The following GRTP1 variants were observed in gnomAD, a reference collection of about 807,000 sequenced individuals.
The protein encoded by GRTP1 is growth hormone regulated TBC protein 1, also known as growth hormone-regulated TBC protein 1.
GRTP1 carries 56 observed loss-of-function variants against 38.1 expected under a neutral mutation model. The observed-to-expected ratio is 1.47, with a 90% CI of 1.19 to 1.84. The LOEUF is 1.84. Ranked by LOEUF, GRTP1 falls within the 40% of genes most tolerant of loss-of-function variation. GRTP1 has a pLI of 0.00. For synonymous variants in GRTP1, 217 were observed against 189.5 expected (o/e 1.14, Z -1.19); for missense variants, 506 against 453.9 (o/e 1.11, Z -1.04).
intron 2 of GRTP1, 165 bp from the exon 3 acceptor site, chr13:113,355,646 A>T: frequency 1.3e-6 from 1 of 767,720 alleles, no homozygotes; most frequent in African/African-American, 1.8e-5. Flanking sequence ...ATACTCCTTT[A>T]AAAATTCTGC....
intron 5 of GRTP1, 164 bp from the exon 6 acceptor site, chr13:113,326,255 C>T (rs952528669): frequency 2.8e-6 from 1 of 362,482 alleles, no homozygotes; most frequent in East Asian, 1.7e-4. Context: ...CCTGCAGACA[C>T]AGGGCTCATG....
chr13:113,334,909 G>A (rs1333127199), intron 5 of GRTP1, among the ~76,000 whole-genome samples: 1 of 152,058 alleles, frequency 6.6e-6, no homozygotes, highest in African/African-American at 2.4e-5. Flanking sequence ...TGCAAGCTCC[G>A]CCTCCCGGGT....
rs143332965 is a variant in GRTP1 at position 113,350,937 on chromosome 13, C to G, written c.377G>C (p.Arg126Pro). 4.3e-6 allele frequency: 7 copies of G among 1,613,770 alleles called. No individual in the cohort carries two copies. In the East Asian group the frequency reaches 6.7e-5, roughly 15 times the overall value. ...NRTFPDNVKF[R>P]KTTDPCLQRT... ...CTGTAAGCAGGGGTCCGTGGTCTTC[C>G]GGAACTTCACGTTGTCGGGGAAGGT... Residue 126 changes from arginine to proline, a missense_variant, in exon 4 of 8, where the codon CGG (arginine) becomes CCG (proline). Coordinates refer to ENST00000375431, the MANE Select transcript of GRTP1 (RefSeq NM_024719.4).
intron 5 of GRTP1, among the ~76,000 whole-genome samples, chr13:113,344,402 A>C (rs1454592993): frequency 6.6e-6 from 1 of 152,218 alleles, no homozygotes; most frequent in Non-Finnish European, 1.5e-5. Flanking sequence ...CTCAATTTCA[A>C]AGAAATTTTT....
rs5014269 is a variant in GRTP1 at position 113,352,378 on chromosome 13, T to A, written c.341-1405A>T. On this transcript the variant is annotated intron_variant, in intron 3 of 7. Transcript: ENST00000375431. Reference sequence around the variant, plus strand: ...ATATATTTTATATATATATATATATTTATATATATATTTAACACAGGGTCT... The same window carrying A: ...ATATATTTTATATATATATATATATATATATATATATTTAACACAGGGTCT... 4.0e-4 allele frequency among the ~76,000 whole-genome samples: 46 copies of A among 114,670 alleles called. No individual in the cohort carries two copies. In the East Asian group the frequency reaches 5.4e-3, roughly 13 times the overall value. 75.2% of individuals were successfully genotyped at this position (114,670 alleles called of 152,430 possible).
intron 5 of GRTP1, among the ~76,000 whole-genome samples, chr13:113,329,653 A>G (rs533536021): frequency 1.5e-4 from 23 of 152,358 alleles, no homozygotes; most frequent in African/African-American, 5.0e-4. Context: ...CGTGATGTCA[A>G]ATGAAAAAGA....
intron 3 of GRTP1, among the ~76,000 whole-genome samples, chr13:113,353,610 G>T (rs1482629980): frequency 1.3e-5 from 2 of 151,652 alleles, no homozygotes; most frequent in African/African-American, 4.9e-5. Context: ...GGACACGGGG[G>T]TCGGTGCTTG....
chr13:113,352,311 A>AT lies in GRTP1; in HGVS notation c.341-1339dup, dbSNP rs1555318992. On this transcript the variant is annotated intron_variant, in intron 3 of 7. Transcript: ENST00000375431. Reference sequence around the variant, plus strand: ...ATATATTTATATATATTTTATATATATTTTATATATATTTTTATATATATT... The same window carrying AT: ...ATATATTTATATATATTTTATATATATTTTTATATATATTTTTATATATATT... Among the ~76,000 whole-genome samples, 271 of 32,122 alleles carry AT rather than the reference A, an allele frequency of 8.4e-3. 1 individual carries two copies. The highest frequency in any genetic ancestry group is 0.026 in the East Asian group (17 of 660). 21.1% of individuals were successfully genotyped at this position (32,122 alleles called of 152,430 possible). A position where few individuals can be genotyped will look rare whatever the true frequency, so the allele number is the denominator to read the frequency against.
intron 5 of GRTP1, among the ~76,000 whole-genome samples, chr13:113,326,948 G>A (rs946655955): frequency 2.6e-5 from 4 of 152,198 alleles, no homozygotes; most frequent in Non-Finnish European, 4.4e-5. Flanking sequence ...AGAGGGCGGC[G>A]GCAATGGTTA....
intron 4 of GRTP1, among the ~76,000 whole-genome samples, chr13:113,345,661 TG>T (rs1417007595): frequency 6.6e-6 from 1 of 152,218 alleles, no homozygotes; most frequent in Non-Finnish European, 1.5e-5. Context: ...TCAATTCACG[TG>T]ATCGGAAGTG....
Position 113,355,449 on chromosome 13 carries a change from C to A in GRTP1, c.214G>T (p.Glu72Ter). 4 of 1,613,562 alleles carry A rather than the reference C, an allele frequency of 2.5e-6. No individual in the cohort carries two copies. The highest frequency in any genetic ancestry group is 2.5e-6 in the Non-Finnish European group (3 of 1,179,674). The change falls in exon 3 of 8, where the codon GAG becomes TAG. Residue 72 changes from glutamate (E) to a stop codon, truncating the protein, a stop_gained. Transcript: ENST00000375431. LOFTEE classifies it high-confidence loss of function. ...KRYVRKGVPL[E>*]HRARVWMVLS... ...ACCATCCAGACGCGGGCACGGTGCT[C>A]CAGCGGGACCCCTTTCCGGACATAG...
At chr13:113,345,631 G>A (rs1201495784) in intron 4 of GRTP1, among the ~76,000 whole-genome samples, 2 of 152,214 alleles carry the variant, frequency 1.3e-5, no homozygotes, top group African/African-American at 4.8e-5. Flanking sequence ...AAAGAATCCA[G>A]CTTCTGCCAG....
intron 5 of GRTP1, among the ~76,000 whole-genome samples, chr13:113,340,979 T>C (rs1566424415): frequency 1.3e-5 from 2 of 152,134 alleles, no homozygotes; most frequent in African/African-American, 4.8e-5. Flanking sequence ...TTTTTTTCTT[T>C]TGATTCTTAA....
chr13:113,346,173 C>CCCGGGAGGACCTCTGTGGCTGAGCGGAT (rs2043118041), intron 4 of GRTP1, among the ~76,000 whole-genome samples: 2 of 129,360 alleles, frequency 1.5e-5, no homozygotes, highest in Admixed American at 8.1e-5. Context: ...TGACAGTGGA[C>CCCGGGAGGACCTCTGTGGCTGAGCGGAT]CCGGGAGGAC....
At chr13:113,326,196 C>T in intron 5 of GRTP1, 105 bp from the exon 6 acceptor site, 1 of 1,398,136 alleles carries the variant, frequency 7.2e-7, no homozygotes, top group Non-Finnish European at 9.7e-7. Context: ...CTGGGAGGAC[C>T]CCTCCCAAGA....
At chr13:113,357,308 G>A (rs920988608) in intron 2 of GRTP1, among the ~76,000 whole-genome samples, 2 of 152,056 alleles carry the variant, frequency 1.3e-5, no homozygotes, top group African/African-American at 4.8e-5. Flanking sequence ...GGCTGGGCGT[G>A]ATGGCTCACG....
At chr13:113,340,597 T>C (rs372043261) in intron 5 of GRTP1, among the ~76,000 whole-genome samples, 16 of 152,102 alleles carry the variant, frequency 1.1e-4, no homozygotes, top group African/African-American at 3.6e-4. Flanking sequence ...CTGGCCAACA[T>C]GGTGAAACCC....
intron 3 of GRTP1, among the ~76,000 whole-genome samples, chr13:113,354,973 A>G (rs1326530122): frequency 6.6e-6 from 1 of 152,226 alleles, no homozygotes; most frequent in African/African-American, 2.4e-5. Flanking sequence ...GTGCGGCCTC[A>G]TGAGCGCAGC....
At chr13:113,354,989 C>CG (rs1176963389) in intron 3 of GRTP1, among the ~76,000 whole-genome samples, 1 of 152,224 alleles carries the variant, frequency 6.6e-6, no homozygotes, top group African/African-American at 2.4e-5. Context: ...GCAGCTGCGT[C>CG]CGAAGGCCGC....
Sources: allele counts gnomAD v4.1 joint callset (sites outside exome capture counted in the v4.1 genomes callset), GRCh38; gene constraint gnomAD v4.1.1; transcripts MANE v1.5; gene names NCBI Gene and HGNC (gene_info 2026-07-23, HGNC 2026-07-21).